GPD2: variants seen among roughly 807,000 people sequenced by gnomAD.
GPD2 encodes glycerol-3-phosphate dehydrogenase 2.
A neutral mutation model predicts 82.4 loss-of-function variants in GPD2; 54 were observed. The observed-to-expected ratio is 0.66, with a 90% CI of 0.53 to 0.82. GPD2 has a LOEUF of 0.82. Among genes scored for constraint, GPD2 ranks in the 40% least tolerant of loss-of-function variants. The pLI is 0.00. For synonymous variants in GPD2, 288 were observed against 306.1 expected (o/e 0.94, Z 0.62); for missense variants, 748 against 896.2 (o/e 0.83, Z 2.11).
intron 1 of GPD2, among the ~76,000 whole-genome samples, chr2:156,462,058 A>G (rs1683006954): frequency 6.6e-6 from 1 of 152,252 alleles, no homozygotes; most frequent in Admixed American, 6.5e-5. Flanking sequence ...CGAGTTTTTT[A>G]GAAGCAGCAG....
rs3739110 is a variant in GPD2, at chr2:156,436,387, G to T, written c.-135G>T. 616 of 152,450 alleles carry T rather than the reference G, an allele frequency of 4.0e-3. 7 individuals carry two copies. The East Asian group carries it at 0.056, about 14-fold the overall frequency. 9.4% of individuals were successfully genotyped at this position (152,450 alleles called of 1,614,324 possible). On this transcript the variant is annotated 5_prime_UTR_variant, in exon 1 of 17. Coordinates refer to ENST00000438166, the MANE Select transcript of GPD2 (RefSeq NM_000408.5). ...CCCGCCCAGCCCGCCTCGAGTGACAGCCCCGCGCGCCTCGCTGGGAGCACC... is the reference window on the plus strand; with the variant it reads ...CCCGCCCAGCCCGCCTCGAGTGACATCCCCGCGCGCCTCGCTGGGAGCACC...
rs1329797190 is a variant in GPD2, at chr2:156,568,958, A to G, written c.1299A>G (p.Ala433=). The G allele has an allele frequency of 1.9e-6, 3 of 1,596,882 alleles. No individual in the cohort carries two copies. Among genetic ancestry groups the G allele is most frequent in the Non-Finnish European group, 2.6e-6 (3 of 1,165,970 alleles). The change falls in exon 10 of 17, where the codon GCA becomes GCG. Residue 433 remains alanine (A), a splice_region_variant and synonymous_variant. Transcript: ENST00000438166. ...DISESGLITI[A]GGKWTTYRSM... Reference sequence around the variant, plus strand: ...GTGAGAGTGGCCTTATTACTATAGCAGGTATGAGATACTACCTTGTTATTT... The same window carrying G: ...GTGAGAGTGGCCTTATTACTATAGCGGGTATGAGATACTACCTTGTTATTT...
the GPD2 span, among the ~76,000 whole-genome samples, chr2:156,403,059 G>C: frequency 7.7e-6 from 1 of 130,158 alleles, no homozygotes; most frequent in South Asian, 2.4e-4. Context: ...AAGCTGCAGA[G>C]AGCCAAGATC....
At chr2:156,428,438 A>C in the GPD2 span, among the ~76,000 whole-genome samples, 1 of 152,348 alleles carries the variant, frequency 6.6e-6, no homozygotes, top group East Asian at 1.9e-4. Context: ...AGTGAAGAAC[A>C]CAATAAAAAT....
intron 6 of GPD2, among the ~76,000 whole-genome samples, chr2:156,526,077 C>T (rs1430782081): frequency 6.6e-6 from 1 of 151,972 alleles, no homozygotes; most frequent in Non-Finnish European, 1.5e-5. Flanking sequence ...ATACTGCTTT[C>T]CATAAGTATA....
the GPD2 span, among the ~76,000 whole-genome samples, chr2:156,400,437 G>T: frequency 6.6e-6 from 1 of 152,326 alleles, no homozygotes; most frequent in East Asian, 1.9e-4. Flanking sequence ...GCCTGGGGAG[G>T]TGCCAGCTCC....
rs749247587 is a variant in GPD2, at chr2:156,512,212, C to T, written c.400-8C>T. ...TGCCAAACTAATTTTCTCTGTTTTG[C>T]CTTTCAGTATAGGATGGTAAAAGAA... On this transcript the variant is annotated splice_region_variant and splice_polypyrimidine_tract_variant and intron_variant, in intron 4 of 16. Transcript: ENST00000438166. 6 of 1,447,320 alleles carry T rather than the reference C, an allele frequency of 4.1e-6. No homozygotes were observed. The highest frequency in any genetic ancestry group is 5.8e-6 in the Non-Finnish European group (6 of 1,027,730). 89.7% of individuals were successfully genotyped at this position (1,447,320 alleles called of 1,614,324 possible).
At chr2:156,411,670 T>A in the GPD2 span, among the ~76,000 whole-genome samples, 3 of 152,090 alleles carry the variant, frequency 2.0e-5, no homozygotes, top group East Asian at 5.8e-4. Flanking sequence ...TTTCTAGCAG[T>A]TTTTCCGTTA....
intron 1 of GPD2, among the ~76,000 whole-genome samples, chr2:156,453,022 A>C (rs1370708254): frequency 6.6e-6 from 1 of 152,222 alleles, no homozygotes; most frequent in Admixed American, 6.5e-5. Context: ...AGAGATTTCA[A>C]ATGGCTATTT....
intron 1 of GPD2, among the ~76,000 whole-genome samples, chr2:156,436,889 C>T (rs1162763817): frequency 6.6e-6 from 1 of 152,146 alleles, no homozygotes; most frequent in African/African-American, 2.4e-5. Context: ...CTTTGAGAAA[C>T]TCAGCTGCTG....
intron 6 of GPD2, among the ~76,000 whole-genome samples, chr2:156,524,207 C>A (rs1473832336): frequency 6.7e-6 from 1 of 149,366 alleles, no homozygotes; most frequent in Non-Finnish European, 1.5e-5. Flanking sequence ...GGTTTCCAGT[C>A]CCTTTTTTTG....
intron 13 of GPD2, among the ~76,000 whole-genome samples, chr2:156,573,415 C>T (rs559975876): frequency 7.2e-5 from 11 of 152,176 alleles, no homozygotes; most frequent in African/African-American, 1.2e-4. Context: ...GCTAAAGCTC[C>T]GTACAGAGGC....
upstream of GPD2, among the ~76,000 whole-genome samples, chr2:156,430,532 A>G (rs1312668357): frequency 1.3e-5 from 2 of 152,214 alleles, no homozygotes; most frequent in African/African-American, 4.8e-5. Context: ...AACTTACAAG[A>G]GATGACTTGA....
chr2:156,428,335 A>G, the GPD2 span, among the ~76,000 whole-genome samples: 2 of 152,022 alleles, frequency 1.3e-5, no homozygotes, highest in African/African-American at 2.4e-5. Flanking sequence ...TAGAATTTCA[A>G]CCTCCAGCAT....
chr2:156,440,415 G>A (rs1245191449), intron 1 of GPD2, among the ~76,000 whole-genome samples: 2 of 152,192 alleles, frequency 1.3e-5, no homozygotes, highest in African/African-American at 4.8e-5. Context: ...GAATACCTGA[G>A]GATGTTTAGA....
At chr2:156,502,114 G>A (rs1684606145) in intron 3 of GPD2, among the ~76,000 whole-genome samples, 1 of 152,008 alleles carries the variant, frequency 6.6e-6, no homozygotes, top group Admixed American at 6.6e-5. Context: ...ATGTGTGTGT[G>A]TGTGTGTGTG....
the GPD2 span, among the ~76,000 whole-genome samples, chr2:156,401,158 G>A: frequency 6.6e-6 from 1 of 152,154 alleles, no homozygotes; most frequent in Non-Finnish European, 1.5e-5. Context: ...GCATTGGCCG[G>A]GAATCGAACC....
At chr2:156,529,193 G>A (rs1464299859) in intron 6 of GPD2, among the ~76,000 whole-genome samples, 1 of 88,656 alleles carries the variant, frequency 1.1e-5, no homozygotes, top group Non-Finnish European at 2.7e-5. Flanking sequence ...GGCCAGTGAT[G>A]GTGAGCATTT....
intron 1 of GPD2, among the ~76,000 whole-genome samples, chr2:156,456,459 C>A (rs1682792181): frequency 6.6e-6 from 1 of 152,002 alleles, no homozygotes; most frequent in Admixed American, 6.6e-5. Context: ...AAAAACTAGT[C>A]GCATGTGGTG....
Sources: allele counts gnomAD v4.1 joint callset (sites outside exome capture counted in the v4.1 genomes callset), GRCh38; gene constraint gnomAD v4.1.1; transcripts MANE v1.5; gene names NCBI Gene and HGNC (gene_info 2026-07-23, HGNC 2026-07-21).